The following PRELID2 variants were observed in gnomAD, a reference collection of about 807,000 sequenced individuals.
PRELID2 encodes PRELI domain containing 2.
In PRELID2, 25 loss-of-function variants were observed where a neutral mutation model predicts 28.4. The ratio of observed to expected loss-of-function variants is 0.88; its 90% CI spans 0.64 to 1.23. PRELID2 has a LOEUF of 1.23. PRELID2 is among the 50% of genes most tolerant of loss of function. PRELID2 has a pLI of 0.00. For synonymous variants in PRELID2, 76 were observed against 71.6 expected (o/e 1.06, Z -0.31); for missense variants, 201 against 214.4 (o/e 0.94, Z 0.39).
chr5:145,829,567 T>A (rs1408215231), intron 1 of PRELID2, among the ~76,000 whole-genome samples: 1 of 152,240 alleles, frequency 6.6e-6, no homozygotes, highest in Non-Finnish European at 1.5e-5. Flanking sequence ...ATTATTATTC[T>A]CATTTTGCAG....
At chr5:145,467,907 G>GT (rs1285266737), downstream of PRELID2, among the ~76,000 whole-genome samples, 4 of 150,444 alleles carry the variant, frequency 2.7e-5, no homozygotes, top group Admixed American at 2.0e-4. Context: ...ATTTTGTTTT[G>GT]TTTTTTATAT....
At chr5:145,685,811 C>T (rs1342662008) in intron 1 of PRELID2, among the ~76,000 whole-genome samples, 1 of 152,150 alleles carries the variant, frequency 6.6e-6, no homozygotes, top group Non-Finnish European at 1.5e-5. Flanking sequence ...TGCAGAGGGT[C>T]ACCTAGAAGA....
At chr5:145,286,164 G>A in the PRELID2 span, among the ~76,000 whole-genome samples, 1 of 152,150 alleles carries the variant, frequency 6.6e-6, no homozygotes, top group Non-Finnish European at 1.5e-5. Context: ...ACCCAGTGAG[G>A]AAGGTACTAT....
chr5:145,774,237 G>C (rs1758273295), intron 5 of PRELID2, among the ~76,000 whole-genome samples: 3 of 152,184 alleles, frequency 2.0e-5, no homozygotes, highest in African/African-American at 7.2e-5. Flanking sequence ...AGAAAACTCA[G>C]CCTCGGAGAG....
At chr5:145,265,687 G>A in the PRELID2 span, among the ~76,000 whole-genome samples, 1 of 152,146 alleles carries the variant, frequency 6.6e-6, no homozygotes, top group South Asian at 2.1e-4. Flanking sequence ...CTTTGACTAA[G>A]CAAGCAAAAA....
chr5:145,302,558 A>G, the PRELID2 span, among the ~76,000 whole-genome samples: 1 of 151,918 alleles, frequency 6.6e-6, no homozygotes, highest in African/African-American at 2.4e-5. Flanking sequence ...CTTTCAATAT[A>G]GATAGAGTTG....
At chr5:145,427,146 A>G in the PRELID2 span, among the ~76,000 whole-genome samples, 12 of 152,360 alleles carry the variant, frequency 7.9e-5, no homozygotes, top group East Asian at 2.1e-3. Context: ...TTGCTCCTGG[A>G]GTGTTAACAG....
intron 1 of PRELID2, among the ~76,000 whole-genome samples, chr5:145,744,218 G>A (rs1377194329): frequency 1.3e-5 from 2 of 152,226 alleles, no homozygotes; most frequent in East Asian, 3.9e-4. Flanking sequence ...CACAGTCTCT[G>A]CAGACCAGGA....
Position 145,519,940 on chromosome 5 carries a change from C to T in PRELID2, n.71-46625G>A, listed in dbSNP as rs115265585. Among the ~76,000 whole-genome samples the T allele has an allele frequency of 7.8e-3, 1,189 of 152,178 alleles. 18 individuals carry two copies. The highest frequency in any genetic ancestry group is 0.027 in the African/African-American group (1,103 of 41,508). On this transcript the variant is annotated intron_variant and non_coding_transcript_variant, in intron 1 of 2. Transcript: ENST00000510259. ...CTCATTAAGATATACATTAGGTTTC[C>T]AAATCATACTTATGCTCTTTGTAAT...
chr5:145,595,448 C>T (rs1396518078), intron 1 of PRELID2, among the ~76,000 whole-genome samples: 1 of 152,090 alleles, frequency 6.6e-6, no homozygotes, highest in African/African-American at 2.4e-5. Context: ...AATAAAATTG[C>T]AGAAACTGGC....
chr5:145,406,683 A>T, the PRELID2 span, among the ~76,000 whole-genome samples: 1 of 152,204 alleles, frequency 6.6e-6, no homozygotes, highest in African/African-American at 2.4e-5. Flanking sequence ...AAACCAAAAG[A>T]ATTCACAGAT....
rs544964697 is a variant in PRELID2 at position 145,793,630 on chromosome 5, C to T, written c.474+2812G>A. Among the ~76,000 whole-genome samples the T allele has an allele frequency of 2.6e-5, 4 of 152,222 alleles. No homozygotes were observed. The South Asian group carries it at 8.3e-4, about 32-fold the overall frequency. On this transcript the variant is annotated intron_variant, in intron 5 of 6. Transcript: ENST00000683046. ...TAGCAGGAAAAATATATTCTTACTT[C>T]TAAGCATAATAAATGAGAATAAAAA... is the stretch of plus-strand genomic sequence containing the variant.
chr5:145,393,181 T>C, the PRELID2 span, among the ~76,000 whole-genome samples: 2 of 152,174 alleles, frequency 1.3e-5, no homozygotes, highest in Non-Finnish European at 2.9e-5. Flanking sequence ...AGAATGACAT[T>C]ATCCATTAAG....
intron 1 of PRELID2, among the ~76,000 whole-genome samples, chr5:145,492,156 G>A (rs1204191143): frequency 2.6e-5 from 4 of 152,190 alleles, no homozygotes; most frequent in African/African-American, 9.6e-5. Flanking sequence ...GCCACCAACA[G>A]TGTGCAAGGG....
In PRELID2 at chr5:145,648,843, T is replaced by C. The variant is rs1754240316; in HGVS notation, n.70+116088A>G. On this transcript the variant is annotated intron_variant and non_coding_transcript_variant, in intron 1 of 2. Transcript: ENST00000510259. Reference sequence around the variant, plus strand: ...TACATATAAATACATAATATACATATACATTTTAAACCTTTCATCGTGTTT... The same window carrying C: ...TACATATAAATACATAATATACATACACATTTTAAACCTTTCATCGTGTTT... Among the ~76,000 whole-genome samples, 4 of 150,642 alleles carry C rather than the reference T, an allele frequency of 2.7e-5. No homozygotes were observed. In the South Asian group the frequency reaches 8.3e-4, roughly 31 times the overall value.
intron 1 of PRELID2, among the ~76,000 whole-genome samples, chr5:145,556,219 C>A (rs968221315): frequency 1.3e-4 from 20 of 149,234 alleles, no homozygotes; most frequent in African/African-American, 4.6e-4. Flanking sequence ...AAAACTTTTA[C>A]TCAAACTAGG....
the PRELID2 span, among the ~76,000 whole-genome samples, chr5:145,456,214 T>C: frequency 2.0e-5 from 3 of 152,218 alleles, no homozygotes; most frequent in African/African-American, 7.2e-5. Context: ...GACTTTTGTT[T>C]TTCTAACAAG....
the PRELID2 span, among the ~76,000 whole-genome samples, chr5:145,461,610 T>C: frequency 6.6e-6 from 1 of 152,246 alleles, no homozygotes; most frequent in Non-Finnish European, 1.5e-5. Flanking sequence ...CCTTAACTTC[T>C]AATCTTTAGT....
the PRELID2 span, among the ~76,000 whole-genome samples, chr5:145,328,810 T>C: frequency 6.6e-6 from 1 of 152,236 alleles, no homozygotes; most frequent in Non-Finnish European, 1.5e-5. Context: ...TTAGCTTTTG[T>C]TGCCATTGCT....
Sources: gnomAD v4.1 joint callset for allele counts (sites outside exome capture counted in the v4.1 genomes callset) on GRCh38, gnomAD v4.1.1 for gene constraint, MANE v1.5 for transcripts, NCBI Gene and HGNC (gene_info 2026-07-23, HGNC 2026-07-21) for gene names.